MYBPC2: variants seen among roughly 807,000 people sequenced by gnomAD.
MYBPC2 encodes myosin binding protein C2, also known as myosin-binding protein C, fast-type.
Under a neutral mutation model 137.0 loss-of-function variants are expected in MYBPC2, and 122 were observed. That is an observed-to-expected ratio of 0.89 (90% CI 0.77 to 1.03). The LOEUF (loss-of-function observed/expected upper bound fraction) is 1.03, where lower values mean the gene tolerates loss of function less well. Ranked by LOEUF, MYBPC2 falls within the 50% of genes least tolerant of loss-of-function variation. The pLI is 0.00. For synonymous variants in MYBPC2, 626 were observed against 612.3 expected (o/e 1.02, Z -0.33); for missense variants, 1,500 against 1,534.4 (o/e 0.98, Z 0.37).
chr19:50,455,826 C>CT (rs1413361202), intron 20 of MYBPC2, among the ~76,000 whole-genome samples, 182 bp downstream of exon 20: 2 of 152,216 alleles, frequency 1.3e-5, no homozygotes, highest in African/African-American at 2.4e-5. Context: ...TTTTCTCTCC[C>CT]TTCTTCCTTT....
At position 50,459,119 on chromosome 19, in the gene MYBPC2, C is replaced by T; in HGVS notation, c.2604C>T (p.Pro868=). 1.3e-6 allele frequency: 2 copies of T among 1,564,286 alleles called. No individual in the cohort carries two copies. The highest frequency in any genetic ancestry group is 1.4e-5 in the African/African-American group (1 of 73,870). Residue 868 remains proline, a synonymous_variant, in exon 23 of 28, where the codon CCC becomes CCT. Transcript: ENST00000357701. Reference sequence around the variant, plus strand: ...CCGCCCTCTCCCCGCAGGGAAAGCCCCGGCCCCAGGTGGTGTGGACCAAGG... The same window carrying T: ...CCGCCCTCTCCCCGCAGGGAAAGCCTCGGCCCCAGGTGGTGTGGACCAAGG... ...LNLVVPFQGK[P]RPQVVWTKGG... is the part of the protein sequence containing the mutation.
chr19:50,442,289 G>A lies in MYBPC2; in HGVS notation c.878G>A (p.Gly293Asp). ...PDLTLKWFKN[G>D]QEIKPSSKYV... ...CTGACCCTCAAGTGGTTCAAGAACG[G>A]CCAGGAGATCAAACCAAGCAGCAAG... is the stretch of plus-strand genomic sequence containing the variant. Residue 293 changes from glycine to aspartate, a missense_variant, in exon 9 of 28, where the codon GGC becomes GAC. Transcript: ENST00000357701. 1.9e-6 allele frequency: 3 copies of A among 1,608,550 alleles called. No homozygotes were observed. Among genetic ancestry groups the A allele is most frequent in the Non-Finnish European group, 2.5e-6 (3 of 1,177,572 alleles).
At chr19:50,452,643 C>T (rs2039872315) in intron 16 of MYBPC2, among the ~76,000 whole-genome samples, 1 of 152,058 alleles carries the variant, frequency 6.6e-6, no homozygotes, top group Non-Finnish European at 1.5e-5. Context: ...CGGAAACCTC[C>T]ACCTCCCAGG....
In MYBPC2 at chr19:50,451,849, C is replaced by A. The variant is rs1024543401; in HGVS notation, c.1610-15C>A. 1 of 1,587,246 alleles carries A rather than the reference C, an allele frequency of 6.3e-7. No homozygotes were observed. Among genetic ancestry groups the A allele is most frequent in the South Asian group, 1.2e-5 (1 of 86,634 alleles). On this transcript the variant is annotated splice_polypyrimidine_tract_variant and intron_variant, in intron 15 of 27. Coordinates refer to ENST00000357701, the MANE Select transcript of MYBPC2 (RefSeq NM_004533.4). Reference sequence around the variant, plus strand: ...TCCCACTCCCAGGGTCCCTGTATCTCTTCTGTGCCACCAGAGCCACCAAAG... The same window carrying A: ...TCCCACTCCCAGGGTCCCTGTATCTATTCTGTGCCACCAGAGCCACCAAAG...
rs1319205329 is a variant in MYBPC2 at position 50,451,329 on chromosome 19, C to G, written c.1609+20C>G. On this transcript the variant is annotated intron_variant, in intron 15 of 27. Transcript: ENST00000357701. ...AGCAAGGTGAGCACCACGGGCTGCG[C>G]TGGGAGCGGGTCTGAGGGAGGAGGG... 6.2e-7 allele frequency: 1 copy of G among 1,612,474 alleles called. No individual in the cohort carries two copies. Among genetic ancestry groups the G allele is most frequent in the Non-Finnish European group, 8.5e-7 (1 of 1,179,634 alleles).
intron 16 of MYBPC2, among the ~76,000 whole-genome samples, chr19:50,453,767 C>T (rs1364359569): frequency 6.6e-6 from 1 of 151,706 alleles, no homozygotes; most frequent in Non-Finnish European, 1.5e-5. Flanking sequence ...CGCAAACTCC[C>T]AACCTCAGTT....
At chr19:50,444,184 G>A (rs2039781681) in intron 11 of MYBPC2, among the ~76,000 whole-genome samples, 3 of 97,460 alleles carry the variant, frequency 3.1e-5, no homozygotes, top group African/African-American at 1.4e-4. Context: ...CCATCCATCT[G>A]CTTAACCATC....
chr19:50,457,680 G>GTTTT (rs544491551), intron 20 of MYBPC2, among the ~76,000 whole-genome samples: 4,465 of 126,356 alleles, frequency 0.035, 307 homozygotes, highest in African/African-American at 0.12. Flanking sequence ...CCTGGGGAAA[G>GTTTT]TTTTTTTTTT....
In MYBPC2 at chr19:50,432,982, G is replaced by A. The variant is rs1319719953; in HGVS notation, c.19+10G>A. 6.3e-7 allele frequency: 1 copy of A among 1,596,528 alleles called. No individual in the cohort carries two copies. Among genetic ancestry groups the A allele is most frequent in the Non-Finnish European group, 8.5e-7 (1 of 1,173,364 alleles). On this transcript the variant is annotated intron_variant, in intron 1 of 27. Coordinates refer to ENST00000357701, the MANE Select transcript of MYBPC2 (RefSeq NM_004533.4). The surrounding 1 kb of genome is among the most constrained non-coding windows in gnomAD (Gnocchi z 5.5). ...CCTGAGGCAAAACCAGGTGGCGCCA[G>A]GACCCCCTCCCTGTGTGGGGATGGG...
At position 50,460,096 on chromosome 19, in the gene MYBPC2, C is replaced by T. The variant is rs1465598003; in HGVS notation, c.2848C>T (p.Leu950=). 2 of 1,579,344 alleles carry T rather than the reference C, an allele frequency of 1.3e-6. No individual in the cohort carries two copies. Among genetic ancestry groups the T allele is most frequent in the Non-Finnish European group, 1.7e-6 (2 of 1,163,108 alleles). Residue 950 remains leucine (L), a synonymous_variant, in exon 24 of 28, where the codon CTG becomes TTG. Coordinates refer to ENST00000357701, the MANE Select transcript of MYBPC2 (RefSeq NM_004533.4). ...GAAGGAGGTGTGGGGCACGAACGCG[C>T]TGGTGGAGTGGCAGGCCCCCAAAGA... The part of the protein sequence containing the change: ...MVKEVWGTNA[L]VEWQAPKDDG...
intron 16 of MYBPC2, among the ~76,000 whole-genome samples, chr19:50,453,660 C>T (rs1239438393): frequency 4.6e-5 from 7 of 152,058 alleles, no homozygotes; most frequent in African/African-American, 1.7e-4. Context: ...TCTGCCTCAG[C>T]CTCCTGAGTA....
chr19:50,442,608 C>A (rs758932979), intron 9 of MYBPC2, among the ~76,000 whole-genome samples: 5 of 151,752 alleles, frequency 3.3e-5, no homozygotes, highest in African/African-American at 1.2e-4. Flanking sequence ...GCCTGTAATC[C>A]CAGCTACTTG....
Position 50,459,185 on chromosome 19 carries a change from CA to C in MYBPC2, c.2671del (p.Ser891AlafsTer22). ...LDTSRVHVRT[S>X]DFDTVFFVRQ... Reference sequence around the variant, plus strand: ...ACACCTCCCGCGTGCACGTGCGGACCAGCGACTTCGACACCGTGTTCTTCGT... The same window carrying C: ...ACACCTCCCGCGTGCACGTGCGGACCGCGACTTCGACACCGTGTTCTTCGT... On this transcript the variant is annotated frameshift_variant, in exon 23 of 28. Coordinates refer to ENST00000357701, the MANE Select transcript of MYBPC2 (RefSeq NM_004533.4). LOFTEE classifies it high-confidence loss of function. 6.2e-7 allele frequency: 1 copy of C among 1,608,568 alleles called. No homozygotes were observed. The highest frequency in any genetic ancestry group is 8.5e-7 in the Non-Finnish European group (1 of 1,178,802).
At chr19:50,445,688 T>A (rs2039797395) in intron 11 of MYBPC2, among the ~76,000 whole-genome samples, 192 bp from the exon 12 acceptor site, 1 of 152,004 alleles carries the variant, frequency 6.6e-6, no homozygotes, top group Admixed American at 6.5e-5. Flanking sequence ...CCAGCGTGCC[T>A]GGCCCTCTCT....
In MYBPC2 at chr19:50,464,410, A is replaced by G. The variant is rs1466362930; in HGVS notation, c.3293A>G (p.Asn1098Ser). ...GAAGATCCCAAGTTCCTGATAACCAATTACCAAGGAGTCCTGACGCTGAAC... is the reference window on the plus strand; with the variant it reads ...GAAGATCCCAAGTTCCTGATAACCAGTTACCAAGGAGTCCTGACGCTGAAC... ...IREDPKFLIT[N>S]YQGVLTLNIR... The change falls in exon 27 of 28, where the codon AAT (asparagine) becomes AGT (serine). Residue 1098 changes from asparagine (N) to serine (S), a missense_variant. Physicochemically the swap from Asn to Ser is conservative, Grantham distance 46. Coordinates refer to ENST00000357701, the MANE Select transcript of MYBPC2 (RefSeq NM_004533.4). 2 of 1,611,422 alleles carry G rather than the reference A, an allele frequency of 1.2e-6. No individual in the cohort carries two copies. The highest frequency in any genetic ancestry group is 1.7e-5 in the Admixed American group (1 of 59,602).
chr19:50,442,099 G>C (rs1222785638), intron 8 of MYBPC2, 82 bp from the exon 9 acceptor site: 1 of 1,494,176 alleles, frequency 6.7e-7, no homozygotes, highest in Non-Finnish European at 9.0e-7. Context: ...AGGGCCTGGG[G>C]AGGGAGATGT....
rs749553698 is a variant in MYBPC2, at chr19:50,458,946, T to C, written c.2535T>C (p.His845=). ...CACCCAAGATCCGGCTTCCCCGCCA[T>C]CTCCGCCAGACCTACATCCGCAAAG... ...AEPPKIRLPR[H]LRQTYIRKVG... is the part of the protein sequence containing the mutation. The change falls in exon 22 of 28, where the codon CAT becomes CAC. Residue 845 remains histidine (H), a synonymous_variant. Coordinates refer to ENST00000357701, the MANE Select transcript of MYBPC2 (RefSeq NM_004533.4). 6 of 1,612,356 alleles carry C rather than the reference T, an allele frequency of 3.7e-6. No homozygotes were observed. Among genetic ancestry groups the C allele is most frequent in the Non-Finnish European group, 5.1e-6 (6 of 1,179,476 alleles).
At chr19:50,446,248 C>T (rs919881221) in intron 12 of MYBPC2, among the ~76,000 whole-genome samples, 196 bp downstream of exon 12, 3 of 152,328 alleles carry the variant, frequency 2.0e-5, no homozygotes, top group African/African-American at 4.8e-5. Flanking sequence ...TGGTGGCTCA[C>T]GCCTGTAATC....
At chr19:50,461,505 C>T in intron 24 of MYBPC2, 37 bp from the exon 25 acceptor site, 1 of 1,601,872 alleles carries the variant, frequency 6.2e-7, no homozygotes, top group South Asian at 1.1e-5. Context: ...GATCCTGTGG[C>T]CCCGACCCGC....
Sources: allele counts gnomAD v4.1 joint callset (sites outside exome capture counted in the v4.1 genomes callset), GRCh38; gene constraint gnomAD v4.1.1; non-coding constraint Gnocchi (gnomAD v3.1); transcripts MANE v1.5; gene names NCBI Gene and HGNC (gene_info 2026-07-23, HGNC 2026-07-21).